The following FARP2 variants were observed in gnomAD, a reference collection of about 807,000 sequenced individuals.
FARP2 encodes FERM, ARH/RhoGEF and pleckstrin domain protein 2, also known as FERM, ARHGEF and pleckstrin domain-containing protein 2.
Under a neutral mutation model 130.5 loss-of-function variants are expected in FARP2, and 111 were observed. The observed-to-expected ratio is 0.85, with a 90% CI of 0.73 to 1.00. The LOEUF is 1.00. Among genes scored for constraint, FARP2 ranks in the 50% least tolerant of loss-of-function variants. The probability of loss-of-function intolerance (pLI) is 0.00; values close to 1 mark genes in which losing one functional copy is unlikely to be tolerated. For missense variants in FARP2, 1,385 were observed against 1,346.3 expected, an observed-to-expected ratio of 1.03 and a Z score of -0.45; for synonymous variants, 504 against 516.9, an observed-to-expected ratio of 0.98 and a Z score of 0.34.
chr2:241,489,928 G>A (rs759907508), intron 21 of FARP2, 34 bp from the exon 22 acceptor site: 27 of 1,470,358 alleles, frequency 1.8e-5, no homozygotes, highest in Non-Finnish European at 2.5e-5. Context: ...TTCCTTCTTG[G>A]CCACAAGACT....
chr2:241,487,744 C>CCTTTTT (rs1390065024), intron 21 of FARP2, among the ~76,000 whole-genome samples: 1 of 45,172 alleles, frequency 2.2e-5, no homozygotes, highest in Non-Finnish European at 4.3e-5. Flanking sequence ...GCCTAGCCTA[C>CCTTTTT]TCTTTTTTTT....
intron 2 of FARP2, among the ~76,000 whole-genome samples, chr2:241,402,836 TTATATATATATATATATATATATATATA>T (rs1215612816): frequency 4.2e-4 from 7 of 16,840 alleles, no homozygotes; most frequent in Admixed American, 7.2e-4. Flanking sequence ...CCCAGCTAAT[TTATATATATATATATATATATATATATA>T]TATATATATA....
intron 15 of FARP2, among the ~76,000 whole-genome samples, chr2:241,462,926 G>A (rs1438792839): frequency 2.0e-5 from 3 of 152,130 alleles, no homozygotes; most frequent in Non-Finnish European, 4.4e-5. Flanking sequence ...CTGACCTCAA[G>A]TGACCTGCCC....
chr2:241,393,980 A>T (rs757147085), intron 2 of FARP2, among the ~76,000 whole-genome samples: 1 of 152,186 alleles, frequency 6.6e-6, no homozygotes, highest in African/African-American at 2.4e-5. Flanking sequence ...ATTTGAGTCA[A>T]TGTTGAGTTC....
chr2:241,396,881 A>G lies in FARP2; in HGVS notation c.184-6947A>G, dbSNP rs545821606. On this transcript the variant is annotated intron_variant, in intron 2 of 26. Coordinates refer to ENST00000264042, the MANE Select transcript of FARP2 (RefSeq NM_014808.4). ...ATCATGCTGCTATAAAGACACATGC[A>G]CACGTGTGTTTCTTGCGGCACTATT... Among the ~76,000 whole-genome samples the G allele has an allele frequency of 5.9e-5, 9 of 152,326 alleles. No homozygotes were observed. In the East Asian group the frequency reaches 1.5e-3, roughly 26 times the overall value.
chr2:241,425,938 A>T (rs73004362), intron 8 of FARP2, among the ~76,000 whole-genome samples: 25,053 of 140,566 alleles, frequency 0.18, 2,455 homozygotes, highest in East Asian at 0.41. Flanking sequence ...TTTTTTTTTT[A>T]AATTTGGTGT....
chr2:241,455,141 C>T (rs2063796039), intron 13 of FARP2, among the ~76,000 whole-genome samples: 1 of 152,218 alleles, frequency 6.6e-6, no homozygotes, highest in Admixed American at 6.5e-5. Flanking sequence ...GTTCTATAAA[C>T]TGGTCACTAT....
At chr2:241,465,959 A>G in intron 17 of FARP2, 5 of 1,414,528 alleles carry the variant, frequency 3.5e-6, no homozygotes, top group Non-Finnish European at 4.6e-6. Flanking sequence ...TGTTAATGAG[A>G]AAGTTCTACT....
chr2:241,435,105 G>A lies in FARP2; in HGVS notation c.1100+75G>A, dbSNP rs1047394534. ...TTAAATATATATATGGAGAGAGAGCGAAAAGAGAGACTGAGTCTTGCTCCG... is the reference window on the plus strand; with the variant it reads ...TTAAATATATATATGGAGAGAGAGCAAAAAGAGAGACTGAGTCTTGCTCCG... On this transcript the variant is annotated intron_variant, in intron 11 of 26. Coordinates refer to ENST00000264042, the MANE Select transcript of FARP2 (RefSeq NM_014808.4). The A allele has an allele frequency of 2.2e-5, 18 of 815,078 alleles. No individual in the cohort carries two copies. The Admixed American group carries it at 2.2e-4, about 10-fold the overall frequency. 50.5% of individuals were successfully genotyped at this position (815,078 alleles called of 1,614,324 possible).
intron 2 of FARP2, among the ~76,000 whole-genome samples, chr2:241,393,750 G>T (rs1245341735): frequency 6.6e-6 from 1 of 152,148 alleles, no homozygotes; most frequent in Non-Finnish European, 1.5e-5. Flanking sequence ...TGTTAGCCAG[G>T]CCTTTGTCGC....
intron 2 of FARP2, among the ~76,000 whole-genome samples, chr2:241,377,200 GCTT>G (rs2061557461): frequency 6.6e-6 from 1 of 152,124 alleles, no homozygotes. Context: ...AAAAGCACTA[GCTT>G]CTTCTGTATT....
rs2063381844 is a variant in FARP2, at chr2:241,441,480, C to T, written c.1335C>T (p.Arg445=). The change falls in exon 13 of 27, where the codon CGC becomes CGT. Residue 445 remains arginine, a synonymous_variant. Transcript: ENST00000264042. ...TCAAGAGTCCAGCTGCAGAGAGGCG[C>T]AGTGGAGCAGTGGCTGGAGGCCCCG... is the stretch of plus-strand genomic sequence containing the variant. ...SYVKSPAAER[R]SGAVAGGPDT... is the part of the protein sequence containing the mutation. 1 of 1,614,174 alleles carries T rather than the reference C, an allele frequency of 6.2e-7. No individual in the cohort carries two copies. The highest frequency in any genetic ancestry group is 1.3e-5 in the African/African-American group (1 of 75,052).
chr2:241,493,102 CTG>C, intron 25 of FARP2, 66 bp downstream of exon 25: 1 of 1,135,048 alleles, frequency 8.8e-7, no homozygotes, highest in Admixed American at 1.7e-5. Context: ...CCCTGCTCAC[CTG>C]TGTCCCTTTT....
At chr2:241,391,813 A>C (rs931565177) in intron 2 of FARP2, among the ~76,000 whole-genome samples, 1 of 152,148 alleles carries the variant, frequency 6.6e-6, no homozygotes, top group African/African-American at 2.4e-5. Context: ...TCAAGATGTT[A>C]AAGCTGTACA....
At chr2:241,468,606 C>T (rs925252411) in intron 18 of FARP2, among the ~76,000 whole-genome samples, 3 of 152,240 alleles carry the variant, frequency 2.0e-5, no homozygotes, top group African/African-American at 7.2e-5. Flanking sequence ...TTCTGCTCCT[C>T]CACCCTCAGG....
At position 241,484,321 on chromosome 2, in the gene FARP2, A is replaced by C; in HGVS notation, c.2411A>C (p.Gln804Pro). The change falls in exon 21 of 27, where the codon CAA (glutamine) becomes CCA (proline). Residue 804 changes from glutamine (Q) to proline (P), a missense_variant. Gln to Pro is a moderately conservative substitution (Grantham distance 76, BLOSUM62 -1). Transcript: ENST00000264042. Reference sequence around the variant, plus strand: ...CGGATCCGGGGCCTCCTTCCCCTCCAAGGCATGCTGGTGAGTGGTCTTGCA... The same window carrying C: ...CGGATCCGGGGCCTCCTTCCCCTCCCAGGCATGCTGGTGAGTGGTCTTGCA... ...HFRIRGLLPLQGMLVEESDNE... is the reference protein window; with the variant it reads ...HFRIRGLLPLPGMLVEESDNE... 2.5e-6 allele frequency: 4 copies of C among 1,614,030 alleles called. No homozygotes were observed. The highest frequency in any genetic ancestry group is 3.4e-6 in the Non-Finnish European group (4 of 1,179,914).
At chr2:241,360,563 T>C (rs1417847067) in intron 1 of FARP2, among the ~76,000 whole-genome samples, 1 of 151,458 alleles carries the variant, frequency 6.6e-6, no homozygotes, top group Non-Finnish European at 1.5e-5. Flanking sequence ...ATTCCCAGCT[T>C]CTCAGGAGGC....
At chr2:241,390,576 T>A (rs1234231829) in intron 2 of FARP2, among the ~76,000 whole-genome samples, 1 of 152,224 alleles carries the variant, frequency 6.6e-6, no homozygotes, top group African/African-American at 2.4e-5. Flanking sequence ...CTTTGTAATA[T>A]CCCCTTTTCA....
chr2:241,415,288 G>A (rs1350030029), intron 7 of FARP2, among the ~76,000 whole-genome samples: 2 of 152,142 alleles, frequency 1.3e-5, no homozygotes, highest in African/African-American at 4.8e-5. Context: ...AGTGAGGAAG[G>A]TACAGCTGTT....
Sources: allele counts gnomAD v4.1 joint callset (sites outside exome capture counted in the v4.1 genomes callset), GRCh38; gene constraint gnomAD v4.1.1; transcripts MANE v1.5; gene names NCBI Gene and HGNC (gene_info 2026-07-23, HGNC 2026-07-21).